COLQ: variants seen among roughly 807,000 people sequenced by gnomAD.
COLQ encodes the protein acetylcholinesterase collagenic tail peptide.
COLQ carries 48 observed loss-of-function variants against 69.0 expected under a neutral mutation model. The ratio of observed to expected loss-of-function variants is 0.70; its 90% CI spans 0.55 to 0.88. The LOEUF (loss-of-function observed/expected upper bound fraction) is 0.88, where lower values mean the gene tolerates loss of function less well. Among genes scored for constraint, COLQ ranks in the 40% least tolerant of loss-of-function variants. The pLI, the probability that COLQ is intolerant of heterozygous loss-of-function variation, is 0.00. For missense variants in COLQ, 618 were observed against 594.6 expected, an observed-to-expected ratio of 1.04 and a Z score of -0.41; for synonymous variants, 217 against 211.2, an observed-to-expected ratio of 1.03 and a Z score of -0.24.
intron 3 of COLQ, among the ~76,000 whole-genome samples, chr3:15,482,826 A>G (rs2062512104): frequency 6.6e-6 from 1 of 152,176 alleles, no homozygotes; most frequent in African/African-American, 2.4e-5. Flanking sequence ...TTTGGCTATG[A>G]ATCCGTCTGG....
chr3:15,472,216 C>T (rs73146135), intron 10 of COLQ, among the ~76,000 whole-genome samples: 1,687 of 152,256 alleles, frequency 0.011, 29 homozygotes, highest in African/African-American at 0.038. Flanking sequence ...TATTCTTTGA[C>T]GTTCACTGTT....
intron 3 of COLQ, among the ~76,000 whole-genome samples, chr3:15,487,538 G>A (rs939651583): frequency 2.6e-5 from 4 of 152,172 alleles, no homozygotes; most frequent in East Asian, 1.9e-4. Context: ...GCATGGGAAG[G>A]CACTTGGGAA....
intron 11 of COLQ, chr3:15,467,953 T>C (rs2062225339): frequency 2.2e-6 from 1 of 456,648 alleles, no homozygotes; most frequent in African/African-American, 2.0e-5. Context: ...TCTGATTCCA[T>C]GTTTATGGAG....
At chr3:15,468,488 G>T (rs2062235034) in intron 11 of COLQ, among the ~76,000 whole-genome samples, 1 of 151,984 alleles carries the variant, frequency 6.6e-6, no homozygotes, top group African/African-American at 2.4e-5. Flanking sequence ...GTGCCACCAT[G>T]CCCAGCTAAT....
At chr3:15,469,150 T>C (rs755692681) in intron 11 of COLQ, among the ~76,000 whole-genome samples, 6 of 152,226 alleles carry the variant, frequency 3.9e-5, no homozygotes, top group Non-Finnish European at 5.9e-5. Flanking sequence ...TGTCGAAAGC[T>C]TGGGCTCTTT....
chr3:15,521,574 G>C lies in COLQ; in HGVS notation c.52C>G (p.Leu18Val). 1 of 1,614,186 alleles carries C rather than the reference G, an allele frequency of 6.2e-7. No homozygotes were observed. Among genetic ancestry groups the C allele is most frequent in the Non-Finnish European group, 8.5e-7 (1 of 1,180,036 alleles). ...AAAGTCGGCTGAGACACGATAGAGAGGAAGAAAAGCTGAAGATAAATTCCC... is the reference window on the plus strand; with the variant it reads ...AAAGTCGGCTGAGACACGATAGAGACGAAGAAAAGCTGAAGATAAATTCCC... ...TLGIYLQLFF[L>V]SIVSQPTFIN... Residue 18 changes from leucine to valine, a missense_variant, in exon 1 of 17, where the codon CTC becomes GTC. Leu to Val is a conservative substitution (Grantham distance 32, BLOSUM62 1). Transcript: ENST00000383788.
chr3:15,472,494 A>G (rs2062304331), intron 10 of COLQ, among the ~76,000 whole-genome samples: 1 of 152,254 alleles, frequency 6.6e-6, no homozygotes, highest in African/African-American at 2.4e-5. Flanking sequence ...GTGAACTTTT[A>G]AAAATGAAAA....
chr3:15,464,120 T>A (rs2062162277), intron 12 of COLQ, among the ~76,000 whole-genome samples: 1 of 130,172 alleles, frequency 7.7e-6, no homozygotes, highest in African/African-American at 3.1e-5. Context: ...TGCTGGTATA[T>A]GAGGAGTATG....
intron 1 of COLQ, chr3:15,498,859 C>T (rs1559528787): frequency 7.2e-7 from 1 of 1,394,488 alleles, no homozygotes; most frequent in East Asian, 2.8e-5. Context: ...TGCCTTCAGC[C>T]CAGGGGAGGA....
rs1469619796 is a variant in COLQ at position 15,463,447 on chromosome 3, T to C, written c.814+2894A>G. Among the ~76,000 whole-genome samples, 3 of 152,002 alleles carry C rather than the reference T, an allele frequency of 2.0e-5. No homozygotes were observed. In the East Asian group the frequency reaches 5.8e-4, roughly 29 times the overall value. ...CTGCAAGCTCCGCCTCCCGGGTTCA[T>C]GCCATTCTCCTGCCTCAGCCTCCCA... On this transcript the variant is annotated intron_variant, in intron 12 of 16. Coordinates refer to ENST00000383788, the MANE Select transcript of COLQ (RefSeq NM_005677.4).
Position 15,521,511 on chromosome 3 carries a change from A to G in COLQ, c.106+9T>C, listed in dbSNP as rs564638654. 6.2e-7 allele frequency: 1 copy of G among 1,614,146 alleles called. No individual in the cohort carries two copies. Among genetic ancestry groups the G allele is most frequent in the East Asian group, 2.2e-5 (1 of 44,884 alleles). Reference sequence around the variant, plus strand: ...GATGGAAGAGAGGAAAGTTGTGGCCATCATTTACCTGCTGAGATTGGAAGA... The same window carrying G: ...GATGGAAGAGAGGAAAGTTGTGGCCGTCATTTACCTGCTGAGATTGGAAGA... On this transcript the variant is annotated intron_variant, in intron 1 of 16. Transcript: ENST00000383788.
intron 1 of COLQ, among the ~76,000 whole-genome samples, chr3:15,519,884 T>A (rs192506208): frequency 7.2e-5 from 11 of 152,352 alleles, no homozygotes; most frequent in African/African-American, 2.6e-4. Flanking sequence ...AAGCTTTTAT[T>A]CATTCATTCA....
Position 15,489,654 on chromosome 3 carries a change from G to C in COLQ, c.107-17C>G. 1 of 1,611,538 alleles carries C rather than the reference G, an allele frequency of 6.2e-7. No individual in the cohort carries two copies. On this transcript the variant is annotated splice_polypyrimidine_tract_variant and intron_variant, in intron 1 of 16. Coordinates refer to ENST00000383788, the MANE Select transcript of COLQ (RefSeq NM_005677.4). ...TGGGAAGGGCTGTTCAGAGAAAACT[G>C]CCGCTCGTTAGCATGTGGTCAGTGC...
chr3:15,461,825 G>T (rs1371173134), intron 12 of COLQ, among the ~76,000 whole-genome samples: 1 of 151,968 alleles, frequency 6.6e-6, no homozygotes, highest in African/African-American at 2.4e-5. Flanking sequence ...CAGGGGTTCT[G>T]GAACCCTGGG....
In COLQ at chr3:15,451,536, TG is replaced by T; in HGVS notation, c.*107del. 9.7e-7 allele frequency: 1 copy of T among 1,035,170 alleles called. No homozygotes were observed. The allele number at this position is 1,035,170 out of a possible 1,614,324, so 64.1% of individuals were successfully genotyped here. A position where few individuals can be genotyped will look rare whatever the true frequency, so the allele number is the denominator to read the frequency against. On this transcript the variant is annotated 3_prime_UTR_variant, in exon 17 of 17. Coordinates refer to ENST00000383788, the MANE Select transcript of COLQ (RefSeq NM_005677.4). ...AGTAGCAGGAATTTGTCCTTGTTTT[TG>T]TCACACAAAGGTTGGTGGAGACGGG... is the stretch of plus-strand genomic sequence containing the variant.
rs139879172 is a variant in COLQ, at chr3:15,508,725, G to C, written c.106+12795C>G. Among the ~76,000 whole-genome samples, 580 of 152,162 alleles carry C rather than the reference G, an allele frequency of 3.8e-3. 4 individuals carry two copies. Among genetic ancestry groups the C allele is most frequent in the African/African-American group, 0.013 (546 of 41,508 alleles). On this transcript the variant is annotated intron_variant, in intron 1 of 16. Coordinates refer to ENST00000383788, the MANE Select transcript of COLQ (RefSeq NM_005677.4). Reference sequence around the variant, plus strand: ...CTGTTTCCACACACCTTCACCAACAGTCTGATGTTACACCTTTTGAATTTT... The same window carrying C: ...CTGTTTCCACACACCTTCACCAACACTCTGATGTTACACCTTTTGAATTTT...
In COLQ at chr3:15,477,130, G is replaced by C. The variant is rs1338504881; in HGVS notation, c.461C>G (p.Pro154Arg). The C allele has an allele frequency of 3.7e-6, 6 of 1,600,686 alleles. No homozygotes were observed. Among genetic ancestry groups the C allele is most frequent in the Admixed American group, 1.7e-5 (1 of 58,174 alleles). Residue 154 changes from proline (P) to arginine (R), a missense_variant, in exon 6 of 17, where the codon CCC becomes CGC. Physicochemically the swap from Pro to Arg is moderately radical, Grantham distance 103. Coordinates refer to ENST00000383788, the MANE Select transcript of COLQ (RefSeq NM_005677.4). ...GPIGWPGPEG[P>R]RGEKGDLGMM... is the part of the protein sequence containing the mutation. The stretch of plus-strand genomic sequence containing the variant: ...CTGAGAGCATGCCACACTTACCCTG[G>C]GTCCTTCAGGGCCTGGCCAACCGAT...
chr3:15,465,483 G>A (rs1367539489), intron 12 of COLQ, among the ~76,000 whole-genome samples: 1 of 151,168 alleles, frequency 6.6e-6, no homozygotes, highest in Non-Finnish European at 1.5e-5. Flanking sequence ...AGCCAGGATG[G>A]TCTCAATCTC....
At chr3:15,475,325 G>A in intron 7 of COLQ, 100 bp downstream of exon 7, 4 of 1,156,008 alleles carry the variant, frequency 3.5e-6, no homozygotes, top group Non-Finnish European at 5.1e-6. Context: ...ACATTCCCTA[G>A]TCCGGGACTG....
Sources: allele counts gnomAD v4.1 joint callset (sites outside exome capture counted in the v4.1 genomes callset), GRCh38; gene constraint gnomAD v4.1.1; transcripts MANE v1.5; gene names NCBI Gene and HGNC (gene_info 2026-07-23, HGNC 2026-07-21).